Variants in SYN3 observed in about 807,000 individuals in gnomAD.
SYN3 encodes the protein synapsin-3.
SYN3 carries 35 observed loss-of-function variants against 65.8 expected under a neutral mutation model. The ratio of observed to expected loss-of-function variants is 0.53; its 90% CI spans 0.41 to 0.70. The LOEUF (loss-of-function observed/expected upper bound fraction) is 0.70, where lower values mean the gene tolerates loss of function less well. Among genes scored for constraint, SYN3 ranks in the 30% least tolerant of loss-of-function variants. The pLI is 0.00. For synonymous variants in SYN3, 270 were observed against 292.9 expected (o/e 0.92, Z 0.80); for missense variants, 680 against 749.0 (o/e 0.91, Z 1.08).
intron 10 of SYN3, 147 bp from the exon 11 acceptor site, chr22:32,529,155 A>C (rs1013336542): frequency 6.3e-6 from 6 of 958,034 alleles, no homozygotes; most frequent in Non-Finnish European, 9.4e-6. Flanking sequence ...TCCAGCTGGG[A>C]CTGGCCGGCA....
intron 4 of SYN3, among the ~76,000 whole-genome samples, chr22:32,893,698 C>G (rs944137594): frequency 6.6e-6 from 1 of 152,074 alleles, no homozygotes; most frequent in Non-Finnish European, 1.5e-5. Context: ...ATATGCTATT[C>G]CTTTGGAATA....
intron 6 of SYN3, among the ~76,000 whole-genome samples, chr22:32,689,371 C>T (rs1027665649): frequency 6.6e-6 from 1 of 152,322 alleles, no homozygotes; most frequent in South Asian, 2.1e-4. Flanking sequence ...TCTGAGCCTT[C>T]GTTGCTGCAT....
intron 6 of SYN3, among the ~76,000 whole-genome samples, chr22:32,634,939 T>C (rs1217587934): frequency 6.6e-6 from 1 of 152,072 alleles, no homozygotes; most frequent in African/African-American, 2.4e-5. Context: ...TTGCAACTTT[T>C]TTTTTTTTAG....
intron 6 of SYN3, among the ~76,000 whole-genome samples, chr22:32,838,039 G>A (rs1208913630): frequency 6.6e-6 from 1 of 152,182 alleles, no homozygotes; most frequent in Non-Finnish European, 1.5e-5. Context: ...GGCTGGGTGT[G>A]TCTGCTGCAT....
intron 6 of SYN3, among the ~76,000 whole-genome samples, chr22:32,679,839 CT>C (rs747116076): frequency 0.01 from 409 of 39,160 alleles, 15 homozygotes; most frequent in Non-Finnish European, 0.011. Context: ...TGTTTTTTGG[CT>C]TTTTTTTTTT....
At chr22:32,633,501 G>T (rs150879139) in intron 6 of SYN3, among the ~76,000 whole-genome samples, 1 of 152,180 alleles carries the variant, frequency 6.6e-6, no homozygotes, top group African/African-American at 2.4e-5. Context: ...TTGGTCCTAC[G>T]TGCGTAGGCA....
chr22:32,614,026 C>T (rs1052841147), intron 6 of SYN3, among the ~76,000 whole-genome samples: 2 of 152,222 alleles, frequency 1.3e-5, no homozygotes, highest in Non-Finnish European at 2.9e-5. Context: ...GCTTCAAGTT[C>T]TGCATTTGTG....
intron 3 of SYN3, among the ~76,000 whole-genome samples, chr22:32,968,293 C>T (rs1018285271): frequency 6.6e-6 from 1 of 152,126 alleles, no homozygotes; most frequent in Non-Finnish European, 1.5e-5. Context: ...TTCCATGTGC[C>T]TCCTACCCAA....
At chr22:32,604,341 T>G (rs1295574127) in intron 6 of SYN3, among the ~76,000 whole-genome samples, 1 of 152,172 alleles carries the variant, frequency 6.6e-6, no homozygotes, top group Non-Finnish European at 1.5e-5. Context: ...TTCTGTTTCA[T>G]CTCATGTGTC....
At position 33,031,007 on chromosome 22, in the gene SYN3, A is replaced by G. The variant is rs890185763; in HGVS notation, c.-162-24183T>C. On this transcript the variant is annotated intron_variant, in intron 1 of 13. Transcript: ENST00000358763. ...GACAAACAGAGACATAGAGAAACAGATAGAGACATAGAGAGCCAGGCACAG... is the reference window on the plus strand; with the variant it reads ...GACAAACAGAGACATAGAGAAACAGGTAGAGACATAGAGAGCCAGGCACAG... 3.3e-5 allele frequency among the ~76,000 whole-genome samples: 5 copies of G among 151,344 alleles called. No homozygotes were observed. The East Asian group carries it at 7.7e-4, about 23-fold the overall frequency.
intron 1 of SYN3, among the ~76,000 whole-genome samples, chr22:33,013,174 A>T (rs1601905022): frequency 6.6e-6 from 1 of 152,310 alleles, no homozygotes; most frequent in Non-Finnish European, 1.5e-5. Context: ...TTTGAAAAAA[A>T]ATCACCTCTT....
chr22:32,658,746 A>G (rs1018590868), intron 6 of SYN3, among the ~76,000 whole-genome samples: 45 of 152,172 alleles, frequency 3.0e-4, no homozygotes, highest in Admixed American at 2.9e-3. Context: ...CCCTACTGCT[A>G]AAAAAGGGAC....
At position 32,513,969 on chromosome 22, in the gene SYN3, CATG is replaced by C. The variant is rs1262697621; in HGVS notation, c.1611-148_1611-146del. ...CAGAAACCAGGCATTCCAATGCTTA[CATG>C]ATGTCAGGTACATTACACACATAAT... is the stretch of plus-strand genomic sequence containing the variant. On this transcript the variant is annotated intron_variant, in intron 13 of 13. Transcript: ENST00000358763. 8 of 1,043,008 alleles carry C rather than the reference CATG, an allele frequency of 7.7e-6. No homozygotes were observed. The African/African-American group carries it at 9.6e-5, about 13-fold the overall frequency. 64.6% of individuals were successfully genotyped at this position (1,043,008 alleles called of 1,614,324 possible).
intron 1 of SYN3, among the ~76,000 whole-genome samples, chr22:33,049,235 CTA>C (rs1438171944): frequency 6.6e-6 from 1 of 152,154 alleles, no homozygotes; most frequent in East Asian, 1.9e-4. Context: ...AATGTTAGCT[CTA>C]GAAAGGAAGT....
chr22:32,692,494 G>A (rs1447365503), intron 6 of SYN3, among the ~76,000 whole-genome samples: 3 of 152,178 alleles, frequency 2.0e-5, no homozygotes, highest in Non-Finnish European at 2.9e-5. Flanking sequence ...GCCCTGGGAC[G>A]AGCAGACTAA....
intron 3 of SYN3, among the ~76,000 whole-genome samples, chr22:32,968,243 C>G (rs1184983604): frequency 6.6e-6 from 1 of 152,154 alleles, no homozygotes; most frequent in African/African-American, 2.4e-5. Context: ...AACACAGTGG[C>G]GAGGATGTAC....
At chr22:32,786,805 T>C (rs557729549) in intron 6 of SYN3, among the ~76,000 whole-genome samples, 1 of 152,194 alleles carries the variant, frequency 6.6e-6, no homozygotes, top group East Asian at 1.9e-4. Flanking sequence ...AAATAAAACA[T>C]TTTCAAAAGC....
chr22:32,820,750 G>C lies in SYN3; in HGVS notation c.711+44165C>G, dbSNP rs1285106225. On this transcript the variant is annotated intron_variant, in intron 6 of 13. Transcript: ENST00000358763. ...GCTTGGGATATGTTTTAGGGTGAAG[G>C]ATCACAGAAGCTTACTCATACCTAT... Among the ~76,000 whole-genome samples the C allele has an allele frequency of 2.6e-5, 4 of 152,172 alleles. No individual in the cohort carries two copies. In the East Asian group the frequency reaches 7.7e-4, roughly 29 times the overall value.
intron 2 of SYN3, among the ~76,000 whole-genome samples, chr22:32,990,620 C>G (rs991162195): frequency 2.6e-5 from 4 of 152,184 alleles, no homozygotes; most frequent in African/African-American, 9.7e-5. Context: ...TACTGTCTAG[C>G]CAGGAGATAG....
Sources: gnomAD v4.1 joint callset for allele counts (sites outside exome capture counted in the v4.1 genomes callset) on GRCh38, gnomAD v4.1.1 for gene constraint, MANE v1.5 for transcripts, NCBI Gene and HGNC (gene_info 2026-07-23, HGNC 2026-07-21) for gene names.